Variants in ELOVL6 observed in about 807,000 individuals in gnomAD.
ELOVL6 encodes the protein ELOVL fatty acid elongase 6, also known as very long chain fatty acid elongase 6.
In ELOVL6, 8 loss-of-function variants were observed where a neutral mutation model predicts 31.7. The ratio of observed to expected loss-of-function variants is 0.25; its 90% confidence interval spans 0.15 to 0.45. The LOEUF is 0.45. Among genes scored for constraint, ELOVL6 ranks in the 20% least tolerant of loss-of-function variants. The pLI is 1.00. For missense variants in ELOVL6, 126 were observed against 326.4 expected (o/e 0.39, Z 4.73); for synonymous variants, 101 against 117.7 (o/e 0.86, Z 0.92).
chr4:110,082,070 C>A (rs959495858), intron 2 of ELOVL6, among the ~76,000 whole-genome samples: 14 of 146,126 alleles, frequency 9.6e-5, no homozygotes, highest in Non-Finnish European at 2.0e-4. Context: ...GTTAGAATGG[C>A]AATCATTAAA....
In ELOVL6 at chr4:110,050,355, C is replaced by T. The variant is rs1754807004; in HGVS notation, c.*983G>A. The T allele has an allele frequency of 2.0e-5, 3 of 152,620 alleles. No individual in the cohort carries two copies. In the South Asian group the frequency reaches 6.2e-4, roughly 32 times the overall value. 9.5% of individuals were successfully genotyped at this position (152,620 alleles called of 1,614,324 possible). The stretch of plus-strand genomic sequence containing the variant: ...ACCATCTGTCTGTCGAATTGATCTT[C>T]GGCTCACCTCTTTTCCCACTGCCTT... On this transcript the variant is annotated 3_prime_UTR_variant, in exon 4 of 4. Transcript: ENST00000302274.
At chr4:110,196,728 A>G (rs906855781) in intron 1 of ELOVL6, among the ~76,000 whole-genome samples, 30 of 151,494 alleles carry the variant, frequency 2.0e-4, no homozygotes, top group Admixed American at 1.1e-3. Flanking sequence ...CCCCTAGCCC[A>G]CCGCCGCCAC....
At chr4:110,072,030 T>C (rs1755499726) in intron 2 of ELOVL6, among the ~76,000 whole-genome samples, 1 of 152,152 alleles carries the variant, frequency 6.6e-6, no homozygotes, top group African/African-American at 2.4e-5. Context: ...ATGAAATCAA[T>C]CCACCAGCGT....
chr4:110,169,711 A>G (rs1408614536), intron 1 of ELOVL6, among the ~76,000 whole-genome samples: 1 of 152,074 alleles, frequency 6.6e-6, no homozygotes, highest in Non-Finnish European at 1.5e-5. Flanking sequence ...ATTCTCCCTT[A>G]GGAAACAAAA....
chr4:110,131,029 G>T (rs1757650882), intron 1 of ELOVL6, among the ~76,000 whole-genome samples: 1 of 152,170 alleles, frequency 6.6e-6, no homozygotes, highest in Admixed American at 6.5e-5. Context: ...GAATATAAGA[G>T]AATTTTTTAC....
chr4:110,077,381 T>C (rs778237285), intron 2 of ELOVL6, among the ~76,000 whole-genome samples: 2 of 152,118 alleles, frequency 1.3e-5, no homozygotes, highest in African/African-American at 4.8e-5. Context: ...GGTGCTCCTC[T>C]GAGATAAAAC....
chr4:110,195,014 G>A (rs1363621864), intron 1 of ELOVL6, among the ~76,000 whole-genome samples: 1 of 152,136 alleles, frequency 6.6e-6, no homozygotes, highest in African/African-American at 2.4e-5. Context: ...ACCATTTTAA[G>A]TTAATGAGTC....
intron 1 of ELOVL6, among the ~76,000 whole-genome samples, chr4:110,192,854 A>G (rs1294006665): frequency 1.3e-5 from 2 of 152,210 alleles, no homozygotes; most frequent in Admixed American, 6.5e-5. Context: ...TGATCCTCAC[A>G]CAAGTTTTAA....
chr4:110,181,630 A>C lies in ELOVL6; in HGVS notation c.89+16617T>G, dbSNP rs540466830. 1.1e-4 allele frequency among the ~76,000 whole-genome samples: 16 copies of C among 152,290 alleles called. No individual in the cohort carries two copies. In the South Asian group the frequency reaches 3.1e-3, roughly 30 times the overall value. On this transcript the variant is annotated intron_variant, in intron 1 of 3. Transcript: ENST00000302274. The stretch of plus-strand genomic sequence containing the variant: ...TACAGGGTTAACTAAGATGTAAAAC[A>C]AGGAGGAGAGGAGAGAAAATAAAAT...
chr4:110,165,872 T>C (rs778716008), intron 1 of ELOVL6, among the ~76,000 whole-genome samples: 3 of 152,192 alleles, frequency 2.0e-5, no homozygotes, highest in Non-Finnish European at 4.4e-5. Context: ...CTATATCCTC[T>C]GCCAGAAGAG....
intron 1 of ELOVL6, among the ~76,000 whole-genome samples, chr4:110,143,659 TTGGA>T (rs1758027184): frequency 6.6e-6 from 1 of 152,186 alleles, no homozygotes; most frequent in African/African-American, 2.4e-5. Flanking sequence ...CCCAGGCAAT[TTGGA>T]TGCACATTAA....
At chr4:110,165,883 T>A (rs1354108725) in intron 1 of ELOVL6, among the ~76,000 whole-genome samples, 1 of 152,042 alleles carries the variant, frequency 6.6e-6, no homozygotes, top group Non-Finnish European at 1.5e-5. Context: ...GCCAGAAGAG[T>A]TTAGCACATC....
At chr4:110,129,455 C>T (rs114742778) in intron 1 of ELOVL6, among the ~76,000 whole-genome samples, 133 of 152,332 alleles carry the variant, frequency 8.7e-4, no homozygotes, top group African/African-American at 3.2e-3. Flanking sequence ...AATTGTGAGG[C>T]TAAGTATGGC....
chr4:110,146,431 A>C (rs2126263541), intron 1 of ELOVL6: 1 of 152,530 alleles, frequency 6.6e-6, no homozygotes, highest in Non-Finnish European at 1.5e-5. Context: ...CAAGAGGCTC[A>C]AATCTTTGTG....
intron 1 of ELOVL6, among the ~76,000 whole-genome samples, chr4:110,196,094 C>T (rs149969801): frequency 2.0e-5 from 3 of 152,240 alleles, no homozygotes; most frequent in Non-Finnish European, 4.4e-5. Flanking sequence ...GTACCTGAAG[C>T]AGGCCTAGGA....
chr4:110,165,317 C>T (rs1758744243), intron 1 of ELOVL6, among the ~76,000 whole-genome samples: 2 of 152,266 alleles, frequency 1.3e-5, no homozygotes, highest in Middle Eastern at 3.4e-3. Context: ...GAGGCCCTTC[C>T]ACCATTATGT....
chr4:110,061,779 A>T (rs561843389), intron 2 of ELOVL6, among the ~76,000 whole-genome samples: 1 of 151,854 alleles, frequency 6.6e-6, no homozygotes, highest in South Asian at 2.1e-4. Flanking sequence ...GCCGGTCTCA[A>T]ACTCCTGACC....
intron 1 of ELOVL6, among the ~76,000 whole-genome samples, chr4:110,109,549 C>T (rs1476865333): frequency 6.6e-6 from 1 of 152,098 alleles, no homozygotes; most frequent in Non-Finnish European, 1.5e-5. Flanking sequence ...CTATCTTGTT[C>T]CAAAGCATTC....
At chr4:110,117,903 A>AAAAAATATATATATAT in intron 1 of ELOVL6, 1 of 6,502 alleles carries the variant, frequency 1.5e-4, no homozygotes, top group African/African-American at 3.3e-4. Flanking sequence ...AAAAAAAAAA[A>AAAAAATATATATATAT]ATATATATAT....
Sources: gnomAD v4.1 joint callset for allele counts (sites outside exome capture counted in the v4.1 genomes callset) on GRCh38, gnomAD v4.1.1 for gene constraint, MANE v1.5 for transcripts, NCBI Gene and HGNC (gene_info 2026-07-23, HGNC 2026-07-21) for gene names.